Variants in DUSP18 observed in about 807,000 individuals in gnomAD.
DUSP18 encodes dual specificity phosphatase 18, also known as dual specificity protein phosphatase 18.
DUSP18 carries 4 observed loss-of-function variants against 6.3 expected under a neutral mutation model. The ratio of observed to expected loss-of-function variants is 0.63; its 90% CI spans 0.31 to 1.45. The LOEUF is 1.45. Ranked by LOEUF, DUSP18 falls within the 40% of genes most tolerant of loss-of-function variation. DUSP18 has a pLI of 0.07. For missense variants in DUSP18, 235 were observed against 247.7 expected (o/e 0.95, Z 0.34); for synonymous variants, 96 against 95.1 (o/e 1.01, Z -0.05).
intron 2 of DUSP18, chr22:30,654,023 A>T (rs1760063516): frequency 6.7e-6 from 1 of 148,788 alleles, no homozygotes; most frequent in African/African-American, 2.6e-5. Flanking sequence ...TCTGTCGCCC[A>T]GGCTGGAGTG....
chr22:30,654,890 G>C (rs2088303036), intron 2 of DUSP18: 1 of 170,758 alleles, frequency 5.9e-6, no homozygotes, highest in African/African-American at 2.4e-5. Context: ...CTTCACCCCT[G>C]AGGTACCTCT....
At chr22:30,664,842 G>C (rs749436641) in intron 1 of DUSP18, 4 of 152,604 alleles carry the variant, frequency 2.6e-5, no homozygotes, top group Non-Finnish European at 5.9e-5. Flanking sequence ...AGCAACCCCA[G>C]GGACAAGCAC....
chr22:30,663,980 G>A lies in DUSP18; in HGVS notation c.24C>T (p.Phe8=), dbSNP rs559815332. The A allele has an allele frequency of 3.1e-6, 5 of 1,613,908 alleles. No individual in the cohort carries two copies. The African/African-American group carries it at 5.3e-5, about 17-fold the overall frequency. The change falls in exon 2 of 2, where the codon TTC becomes TTT. Residue 8 remains phenylalanine (F), a synonymous_variant. Coordinates refer to ENST00000334679, the MANE Select transcript of DUSP18 (RefSeq NM_152511.5). MTAPSCA[F]PVQFRQPSVS... ...CTGAGGGCTGCCGGAACTGAACTGG[G>A]AAGGCACACGAGGGTGCTGTCATCA...
At chr22:30,660,909 G>C (rs2088446173), downstream of DUSP18, among the ~76,000 whole-genome samples, 1 of 149,762 alleles carries the variant, frequency 6.7e-6, no homozygotes, top group South Asian at 2.1e-4. Flanking sequence ...TCCTGATCTT[G>C]GCTCACTGCA....
At chr22:30,653,977 G>GTTTTTTTTTTTTTTTTTTTTTT (rs1316985664) in intron 2 of DUSP18, 1 of 149,752 alleles carries the variant, frequency 6.7e-6, no homozygotes, top group Non-Finnish European at 1.4e-5. Context: ...TAGCTGTTTT[G>GTTTTTTTTTTTTTTTTTTTTTT]TTTTTTTGTT....
At chr22:30,666,755 A>C (rs1409151236) in intron 1 of DUSP18, 1 of 152,232 alleles carries the variant, frequency 6.6e-6, no homozygotes, top group Non-Finnish European at 1.5e-5. Context: ...AACAGATAGT[A>C]AACAGGCAAT....
Position 30,663,323 on chromosome 22 carries a change from C to A in DUSP18, c.*114G>T. On this transcript the variant is annotated 3_prime_UTR_variant, in exon 2 of 2. Coordinates refer to ENST00000334679, the MANE Select transcript of DUSP18 (RefSeq NM_152511.5). The stretch of plus-strand genomic sequence containing the variant: ...AACTCTTTTTTGTGCTCATAAAAGG[C>A]ATCATCTGTTTTTTTCTGTATCAAC... The A allele has an allele frequency of 9.7e-7, 1 of 1,031,168 alleles. No homozygotes were observed. Among genetic ancestry groups the A allele is most frequent in the South Asian group, 1.7e-5 (1 of 58,434 alleles). The allele number at this position is 1,031,168 out of a possible 1,614,324, so 63.9% of individuals were successfully genotyped here.
chr22:30,660,486 T>A (rs557593717), downstream of DUSP18, among the ~76,000 whole-genome samples: 2 of 152,168 alleles, frequency 1.3e-5, no homozygotes, highest in South Asian at 2.1e-4. Flanking sequence ...GAAAATTTTT[T>A]AAAAAATGAA....
exon 3 of DUSP18, chr22:30,652,094 G>A (rs576929829): frequency 2.6e-5 from 4 of 152,182 alleles, no homozygotes; most frequent in Non-Finnish European, 5.9e-5. Flanking sequence ...CAGTCTCCCC[G>A]ACCATTCAGG....
chr22:30,657,316 G>A (rs566012216), downstream of DUSP18, among the ~76,000 whole-genome samples: 641 of 151,488 alleles, frequency 4.2e-3, 2 homozygotes, highest in Middle Eastern at 0.021. Context: ...CAAATTAGCC[G>A]GGCGTGGGGG....
intron 2 of DUSP18, among the ~76,000 whole-genome samples, chr22:30,655,429 C>CTAAAAAA (rs1389184839): frequency 9.0e-6 from 1 of 111,674 alleles, no homozygotes; most frequent in Non-Finnish European, 1.8e-5. Context: ...GAGATCCTAC[C>CTAAAAAA]AAAAAAAAAA....
chr22:30,660,369 T>C (rs2088432895), downstream of DUSP18, among the ~76,000 whole-genome samples: 3 of 152,182 alleles, frequency 2.0e-5, no homozygotes, highest in East Asian at 3.9e-4. Context: ...AGAGGCACGA[T>C]CTTGGCTCAC....
At chr22:30,667,072 G>C (rs78797712) in intron 1 of DUSP18, 4 of 152,110 alleles carry the variant, frequency 2.6e-5, no homozygotes, top group African/African-American at 9.7e-5. Context: ...ATAGCAACTC[G>C]GTAGCAGTTC....
chr22:30,657,821 G>A (rs1050267177), downstream of DUSP18, among the ~76,000 whole-genome samples: 10 of 150,492 alleles, frequency 6.6e-5, no homozygotes, highest in Non-Finnish European at 1.3e-4. Context: ...GGAGAATGAC[G>A]TGAACTCGGG....
At position 30,663,263 on chromosome 22, in the gene DUSP18, T is replaced by TA. The variant is rs923133666; in HGVS notation, c.*173dup. ...CACCATCTCACAATTAGTTTAATCT[T>TA]AAAAAAAATGGATTATAAAGTTAAA... On this transcript the variant is annotated 3_prime_UTR_variant, in exon 2 of 2. Coordinates refer to ENST00000334679, the MANE Select transcript of DUSP18 (RefSeq NM_152511.5). The TA allele has an allele frequency of 1.8e-5, 12 of 683,782 alleles. No homozygotes were observed. Among genetic ancestry groups the TA allele is most frequent in the African/African-American group, 1.3e-4 (7 of 55,258 alleles). The allele number at this position is 683,782 out of a possible 1,614,324, so 42.4% of individuals were successfully genotyped here.
At chr22:30,658,335 TTGAGACCAGCCTGGGCAACACAA>T (rs2145599048), downstream of DUSP18, among the ~76,000 whole-genome samples, 1 of 151,466 alleles carries the variant, frequency 6.6e-6, no homozygotes, top group African/African-American at 2.4e-5. Context: ...GGCCAGGAGT[TTGAGACCAGCCTGGGCAACACAA>T]TGAGACTCTG....
downstream of DUSP18, among the ~76,000 whole-genome samples, chr22:30,660,603 T>C (rs146338285): frequency 7.1e-3 from 1,085 of 152,326 alleles, 4 homozygotes; most frequent in Middle Eastern, 0.017. Context: ...GAAGAAATCA[T>C]AGCTGAGAAC....
chr22:30,657,301 ACACAC>A (rs372910112), downstream of DUSP18, among the ~76,000 whole-genome samples: 10,966 of 58,450 alleles, frequency 0.19, 813 homozygotes, highest in East Asian at 0.44. Flanking sequence ...ACACACACAC[ACACAC>A]AAATTAGCCG....
downstream of DUSP18, among the ~76,000 whole-genome samples, chr22:30,658,266 C>T (rs1003508955): frequency 5.3e-5 from 8 of 151,114 alleles, no homozygotes; most frequent in East Asian, 2.0e-4. Flanking sequence ...AGGCTGGGTG[C>T]GGTTGCTCAT....
Sources: allele counts gnomAD v4.1 joint callset (sites outside exome capture counted in the v4.1 genomes callset), GRCh38; gene constraint gnomAD v4.1.1; transcripts MANE v1.5; gene names NCBI Gene and HGNC (gene_info 2026-07-23, HGNC 2026-07-21).